The following SLC15A3 variants were observed in gnomAD, a reference collection of about 807,000 sequenced individuals.
SLC15A3 encodes the protein osteoclast transporter.
SLC15A3 carries 39 observed loss-of-function variants against 49.2 expected under a neutral mutation model. That is an observed-to-expected ratio of 0.79 (90% CI 0.61 to 1.04). The LOEUF is 1.04. Among genes scored for constraint, SLC15A3 ranks in the 50% least tolerant of loss-of-function variants. The probability of loss-of-function intolerance (pLI) is 0.00; values close to 1 mark genes in which losing one functional copy is unlikely to be tolerated. For synonymous variants in SLC15A3, 339 were observed against 367.0 expected, an observed-to-expected ratio of 0.92 and a Z score of 0.87; for missense variants, 758 against 794.8, an observed-to-expected ratio of 0.95 and a Z score of 0.56.
chr11:60,946,427 A>T, intron 2 of SLC15A3, 105 bp downstream of exon 2: 1 of 1,283,276 alleles, frequency 7.8e-7, no homozygotes, highest in Non-Finnish European at 1.1e-6. Context: ...AAAAGCTATC[A>T]CTGTAGCTGA....
rs1856680192 is a variant in SLC15A3, at chr11:60,939,542, A to G, written c.1373T>C (p.Ile458Thr). 3 of 1,614,072 alleles carry G rather than the reference A, an allele frequency of 1.9e-6. No homozygotes were observed. The highest frequency in any genetic ancestry group is 2.5e-6 in the Non-Finnish European group (3 of 1,180,022). Residue 458 changes from isoleucine to threonine, a missense_variant, in exon 6 of 8, where the codon ATC becomes ACC. Ile to Thr is a moderately conservative substitution (Grantham distance 89). This residue lies in a region of SLC15A3 where 699 missense variants were observed against 706.7 expected (regional missense o/e 0.99). Transcript: ENST00000227880. ...CAGGTACTGAGGGATCTGCCACCAG[A>G]TGGACAGTGGTGCCGCGTTGTACAG... Reference protein sequence around the residue: ...EVLYNAAPLSIWWQIPQYLLI... With the variant: ...EVLYNAAPLSTWWQIPQYLLI...
intron 7 of SLC15A3, 139 bp downstream of exon 7, chr11:60,937,731 A>G: frequency 8.3e-7 from 1 of 1,199,970 alleles, no homozygotes; most frequent in South Asian, 1.6e-5. Flanking sequence ...TGACTGGCCA[A>G]GCCCGGGCTA....
intron 3 of SLC15A3, 75 bp downstream of exon 3, chr11:60,943,614 T>C: frequency 7.2e-7 from 1 of 1,379,662 alleles, no homozygotes. Flanking sequence ...CCTGGGCCTC[T>C]GTGATGAGAA....
chr11:60,945,592 G>C (rs992417795), intron 2 of SLC15A3, among the ~76,000 whole-genome samples: 1 of 152,156 alleles, frequency 6.6e-6, no homozygotes, highest in Non-Finnish European at 1.5e-5. Flanking sequence ...TTTTCATTTA[G>C]ATCCTATTGA....
rs1283149666 is a variant in SLC15A3, at chr11:60,951,580, TC to T, written c.-30del. The T allele has an allele frequency of 3.1e-6, 3 of 980,764 alleles. No individual in the cohort carries two copies. Among genetic ancestry groups the T allele is most frequent in the African/African-American group, 2.0e-5 (1 of 50,048 alleles). The allele number at this position is 980,764 out of a possible 1,614,324, so 60.8% of individuals were successfully genotyped here. A position where few individuals can be genotyped will look rare whatever the true frequency, so the allele number is the denominator to read the frequency against. Reference sequence around the variant, plus strand: ...GGCTCCGGGCTGGGCCCCCCGCGGCTCTTCTCTCCTCTCCTCTCCCCGCCTC... The same window carrying T: ...GGCTCCGGGCTGGGCCCCCCGCGGCTTTCTCTCCTCTCCTCTCCCCGCCTC... On this transcript the variant is annotated 5_prime_UTR_variant, in exon 1 of 8. Transcript: ENST00000227880.
At position 60,941,181 on chromosome 11, in the gene SLC15A3, G is replaced by A; in HGVS notation, c.1217C>T (p.Ser406Phe). Residue 406 changes from serine to phenylalanine, a missense_variant, in exon 5 of 8, where the codon TCT becomes TTT. By Grantham distance (155) the Ser-to-Phe change is radical (BLOSUM62 -2). Around this residue, in one of 3 missense-constraint regions of SLC15A3, gnomAD observed 699 missense variants for 706.7 expected, o/e 0.99. Transcript: ENST00000227880. Reference protein sequence around the residue: ...PLLLRCKLLPSALQKMALGMF... With the variant: ...PLLLRCKLLPFALQKMALGMF... ...CCCCAGCGCCATCTTCTGCAGAGCAGAGGGAAGCAGCTTGCACCGCAGCAG... is the reference window on the plus strand; with the variant it reads ...CCCCAGCGCCATCTTCTGCAGAGCAAAGGGAAGCAGCTTGCACCGCAGCAG... 1 of 1,614,154 alleles carries A rather than the reference G, an allele frequency of 6.2e-7. No individual in the cohort carries two copies. Among genetic ancestry groups the A allele is most frequent in the Non-Finnish European group, 8.5e-7 (1 of 1,180,014 alleles).
At position 60,938,067 on chromosome 11, in the gene SLC15A3, G is replaced by T. The variant is rs1381362320; in HGVS notation, c.1436-42C>A. ...GAGACGATCTCAGGGGCTGGTGCAG[G>T]CGCAGAGAACAGGCCCAGGCCCCTG... is the stretch of plus-strand genomic sequence containing the variant. On this transcript the variant is annotated intron_variant, in intron 6 of 7. Transcript: ENST00000227880. 3 of 1,602,252 alleles carry T rather than the reference G, an allele frequency of 1.9e-6. No individual in the cohort carries two copies. In the South Asian group the frequency reaches 3.4e-5, roughly 18 times the overall value.
chr11:60,947,778 G>GA (rs2134938394), intron 1 of SLC15A3: 1 of 152,194 alleles, frequency 6.6e-6, no homozygotes, highest in East Asian at 1.9e-4. Context: ...TCTTTACCCA[G>GA]AATTTGGATC....
In SLC15A3 at chr11:60,952,150, C is replaced by G. The variant is rs934888422; in HGVS notation, c.-599G>C. ...CCCTCCCCCCAGGCTCAGCCTCTGT[C>G]CCTCTCTCGGCTTCTTGAGAAACTC... On this transcript the variant is annotated 5_prime_UTR_variant, in exon 1 of 8. Transcript: ENST00000227880. 6.6e-6 allele frequency among the ~76,000 whole-genome samples: 1 copy of G among 151,946 alleles called. No homozygotes were observed. The highest frequency in any genetic ancestry group is 1.5e-5 in the Non-Finnish European group (1 of 67,978).
chr11:60,947,248 C>T (rs1342170440), intron 1 of SLC15A3, among the ~76,000 whole-genome samples: 8 of 151,960 alleles, frequency 5.3e-5, no homozygotes, highest in African/African-American at 1.7e-4. Flanking sequence ...GGCACAATCT[C>T]GGCTCACTGC....
Position 60,951,446 on chromosome 11 carries a change from C to T in SLC15A3, c.106G>A (p.Ala36Thr), listed in dbSNP as rs901616526. Reference protein sequence around the residue: ...GPRRWRRAAGAAVLLVEMLER... With the variant: ...GPRRWRRAAGTAVLLVEMLER... ...AGCATCTCCACCAGCAGCACGGCCG[C>T]GCCCGCCGCCCGCCGCCACCGTCGA... The change falls in exon 1 of 8, where the codon GCG (alanine) becomes ACG (threonine). Residue 36 changes from alanine (A) to threonine (T), a missense_variant. Transcript: ENST00000227880. 20 of 1,430,238 alleles carry T rather than the reference C, an allele frequency of 1.4e-5. No homozygotes were observed. In the African/African-American group the frequency reaches 2.1e-4, roughly 15 times the overall value. 88.6% of individuals were successfully genotyped at this position (1,430,238 alleles called of 1,614,324 possible).
intron 2 of SLC15A3, among the ~76,000 whole-genome samples, chr11:60,945,107 G>A (rs1275952416): frequency 1.3e-5 from 2 of 152,152 alleles, no homozygotes; most frequent in South Asian, 2.1e-4. Flanking sequence ...GGACTTCAAC[G>A]CCTCTTAAGG....
chr11:60,941,216 G>C lies in SLC15A3; in HGVS notation c.1182C>G (p.Ile394Met). The change falls in exon 5 of 8, where the codon ATC becomes ATG. Residue 394 changes from isoleucine (I) to methionine (M), a missense_variant. Ile to Met is a conservative substitution (Grantham distance 10, BLOSUM62 1). Around this residue, in one of 3 missense-constraint regions of SLC15A3, gnomAD observed 699 missense variants for 706.7 expected, o/e 0.99. Transcript: ENST00000227880. ...GCTTGCACCGCAGCAGTAAAGGGTC[G>C]ATCAAGCGGTCCTTCAGAGGGACCA... The part of the protein sequence containing the change: ...LILVPLKDRL[I>M]DPLLLRCKLL... 1 of 1,614,136 alleles carries C rather than the reference G, an allele frequency of 6.2e-7. No individual in the cohort carries two copies. Among genetic ancestry groups the C allele is most frequent in the Admixed American group, 1.7e-5 (1 of 60,026 alleles).
At chr11:60,950,521 C>G (rs574878884) in intron 1 of SLC15A3, among the ~76,000 whole-genome samples, 1 of 152,254 alleles carries the variant, frequency 6.6e-6, no homozygotes, top group South Asian at 2.1e-4. Flanking sequence ...GGCGTGGTGG[C>G]TCATGCCTGT....
At position 60,951,483 on chromosome 11, in the gene SLC15A3, A is replaced by G. The variant is rs1258207853; in HGVS notation, c.69T>C (p.Gly23=). The G allele has an allele frequency of 7.7e-7, 1 of 1,290,942 alleles. No homozygotes were observed. 80.0% of individuals were successfully genotyped at this position (1,290,942 alleles called of 1,614,324 possible). A position where few individuals can be genotyped will look rare whatever the true frequency, so the allele number is the denominator to read the frequency against. ...GCCGCCACCGTCGAGGGCCCCGCGC[A>G]CCGCGAGGCAGCAGCGGCTGGCGCT... ...PGERQPLLPR[G]ARGPRRWRRA... Residue 23 remains glycine, a synonymous_variant, in exon 1 of 8, where the codon GGT becomes GGC. Transcript: ENST00000227880.
In SLC15A3 at chr11:60,946,674, A is replaced by G; in HGVS notation, c.706T>C (p.Cys236Arg). The stretch of plus-strand genomic sequence containing the variant: ...AAGATGAAAAATGCCAGGCCCACAC[A>G]GCCCACAGGGATGCTGTAGCCCAGC... ...FLLGYSIPVG[C>R]VGLAFFIFLF... Residue 236 changes from cysteine (C) to arginine (R), a missense_variant, in exon 2 of 8, where the codon TGT becomes CGT. This residue lies in a region of SLC15A3 where 699 missense variants were observed against 706.7 expected (regional missense o/e 0.99). Coordinates refer to ENST00000227880, the MANE Select transcript of SLC15A3 (RefSeq NM_016582.3). The G allele has an allele frequency of 6.2e-7, 1 of 1,614,202 alleles. No homozygotes were observed. Among genetic ancestry groups the G allele is most frequent in the Non-Finnish European group, 8.5e-7 (1 of 1,180,026 alleles).
chr11:60,937,533 A>C, intron 7 of SLC15A3, 160 bp from the exon 8 acceptor site: 1 of 939,090 alleles, frequency 1.1e-6, no homozygotes, highest in South Asian at 1.4e-5. Context: ...TGACTTCCTG[A>C]AGATCTCCAG....
chr11:60,939,557 G>C lies in SLC15A3; in HGVS notation c.1358C>G (p.Ala453Gly). The C allele has an allele frequency of 6.2e-7, 1 of 1,614,180 alleles. No homozygotes were observed. Among genetic ancestry groups the C allele is most frequent in the Non-Finnish European group, 8.5e-7 (1 of 1,180,014 alleles). ...SQQIGEVLYN[A>G]APLSIWWQIP... ...CTGCCACCAGATGGACAGTGGTGCC[G>C]CGTTGTACAGGACCTCCCCAATCTG... Residue 453 changes from alanine to glycine, a missense_variant, in exon 6 of 8, where the codon GCG becomes GGG. Ala to Gly is a moderately conservative substitution (Grantham distance 60). Coordinates refer to ENST00000227880, the MANE Select transcript of SLC15A3 (RefSeq NM_016582.3).
At chr11:60,949,148 A>C (rs1856848426) in intron 1 of SLC15A3, among the ~76,000 whole-genome samples, 5 of 152,070 alleles carry the variant, frequency 3.3e-5, no homozygotes, top group Admixed American at 3.3e-4. Context: ...CAGCCTGGCC[A>C]ACATGGCGAA....
Sources: allele counts gnomAD v4.1 joint callset (sites outside exome capture counted in the v4.1 genomes callset), GRCh38; gene constraint gnomAD v4.1.1; regional missense constraint gnomAD v4.1.1; transcripts MANE v1.5; gene names NCBI Gene and HGNC (gene_info 2026-07-23, HGNC 2026-07-21).